The following ITFG1 variants were observed in gnomAD, a reference collection of about 807,000 sequenced individuals.
ITFG1 encodes the protein T-cell immunomodulatory protein.
ITFG1 carries 34 observed loss-of-function variants against 81.8 expected under a neutral mutation model. The observed-to-expected ratio is 0.42, with a 90% confidence interval of 0.32 to 0.55. The LOEUF is 0.55. Ranked by LOEUF, ITFG1 falls within the 20% of genes least tolerant of loss-of-function variation. The pLI is 0.17. For missense variants in ITFG1, 672 were observed against 755.4 expected, an observed-to-expected ratio of 0.89 and a Z score of 1.29; for synonymous variants, 285 against 270.6, an observed-to-expected ratio of 1.05 and a Z score of -0.52.
At chr16:47,417,023 A>T (rs931312046) in intron 6 of ITFG1, among the ~76,000 whole-genome samples, 4 of 152,210 alleles carry the variant, frequency 2.6e-5, no homozygotes, top group Non-Finnish European at 4.4e-5. Context: ...CACTTATTTC[A>T]TTCTGCCACA....
intron 10 of ITFG1, among the ~76,000 whole-genome samples, chr16:47,280,981 C>T (rs894906388): frequency 6.6e-6 from 1 of 152,112 alleles, no homozygotes; most frequent in Non-Finnish European, 1.5e-5. Flanking sequence ...TTTTGCTGTT[C>T]ACTTGCTTCT....
At chr16:47,271,961 A>G (rs564949316) in intron 10 of ITFG1, among the ~76,000 whole-genome samples, 2 of 152,358 alleles carry the variant, frequency 1.3e-5, no homozygotes, top group African/African-American at 4.8e-5. Context: ...AAAAACTTGC[A>G]TATGAATGTT....
chr16:47,252,001 G>A (rs1351905161), intron 12 of ITFG1, among the ~76,000 whole-genome samples: 1 of 152,152 alleles, frequency 6.6e-6, no homozygotes. Flanking sequence ...ATAAAATTCT[G>A]TAATAGCGAA....
At chr16:47,237,216 A>C (rs1965886973) in intron 13 of ITFG1, among the ~76,000 whole-genome samples, 1 of 152,178 alleles carries the variant, frequency 6.6e-6, no homozygotes, top group Non-Finnish European at 1.5e-5. Context: ...AAATATTGTC[A>C]ATGTAATGTT....
At chr16:47,420,200 G>A (rs1411956465) in intron 6 of ITFG1, among the ~76,000 whole-genome samples, 2 of 152,192 alleles carry the variant, frequency 1.3e-5, no homozygotes, top group African/African-American at 2.4e-5. Flanking sequence ...GGCATGAGAA[G>A]ATGCTTGATA....
intron 10 of ITFG1, among the ~76,000 whole-genome samples, chr16:47,290,134 T>C (rs1966889634): frequency 6.6e-6 from 1 of 152,150 alleles, no homozygotes; most frequent in Admixed American, 6.5e-5. Flanking sequence ...ATTTCAAAAG[T>C]TTCTTTGGTT....
chr16:47,267,828 C>A (rs764803919), intron 10 of ITFG1, among the ~76,000 whole-genome samples: 2 of 151,812 alleles, frequency 1.3e-5, no homozygotes, highest in Non-Finnish European at 2.9e-5. Context: ...AAGAAAAATT[C>A]GAAAGTACTT....
intron 6 of ITFG1, among the ~76,000 whole-genome samples, chr16:47,417,400 G>C (rs1275097372): frequency 6.6e-6 from 1 of 152,052 alleles, no homozygotes; most frequent in African/African-American, 2.4e-5. Flanking sequence ...TGTGTGTCAG[G>C]AACACTTCAA....
At chr16:47,357,992 T>C (rs1968062995) in intron 8 of ITFG1, among the ~76,000 whole-genome samples, 2 of 152,124 alleles carry the variant, frequency 1.3e-5, no homozygotes, top group South Asian at 4.1e-4. Context: ...TGCTACAAGG[T>C]AGAAACTCAG....
chr16:47,444,888 T>G (rs901821456), intron 5 of ITFG1, among the ~76,000 whole-genome samples: 1 of 152,108 alleles, frequency 6.6e-6, no homozygotes, highest in South Asian at 2.1e-4. Flanking sequence ...TTTTGGAAAT[T>G]GGTTTTTCTT....
intron 11 of ITFG1, among the ~76,000 whole-genome samples, chr16:47,259,074 T>C (rs1297831408): frequency 2.0e-5 from 3 of 152,184 alleles, no homozygotes; most frequent in African/African-American, 7.2e-5. Context: ...GGGGAGTACC[T>C]TTTCATCTGC....
chr16:47,357,569 C>T (rs1185515006), intron 8 of ITFG1, among the ~76,000 whole-genome samples: 1 of 140,242 alleles, frequency 7.1e-6, no homozygotes, highest in East Asian at 2.1e-4. Context: ...GAGCTGAGAT[C>T]ATGCCACCGC....
intron 12 of ITFG1, among the ~76,000 whole-genome samples, chr16:47,253,461 T>C (rs1051684522): frequency 8.5e-5 from 13 of 152,204 alleles, no homozygotes; most frequent in African/African-American, 3.1e-4. Flanking sequence ...ATGTAAAGGC[T>C]ACATTTTCCT....
At chr16:47,206,761 A>C (rs1364179658) in intron 14 of ITFG1, among the ~76,000 whole-genome samples, 3 of 152,150 alleles carry the variant, frequency 2.0e-5, no homozygotes, top group Non-Finnish European at 4.4e-5. Flanking sequence ...CATCTCCTTA[A>C]CACATCCCTA....
At chr16:47,267,795 C>A (rs1966294196) in intron 10 of ITFG1, among the ~76,000 whole-genome samples, 1 of 151,974 alleles carries the variant, frequency 6.6e-6, no homozygotes. Context: ...AAATAAAACA[C>A]TACTAAATAA....
At chr16:47,264,112 CA>C in intron 10 of ITFG1, among the ~76,000 whole-genome samples, 1 of 152,088 alleles carries the variant, frequency 6.6e-6, no homozygotes, top group East Asian at 1.9e-4. Context: ...CAAAAGCAAT[CA>C]TAACATTCAA....
intron 5 of ITFG1, among the ~76,000 whole-genome samples, chr16:47,444,842 T>A (rs1438539542): frequency 6.6e-6 from 1 of 152,194 alleles, no homozygotes; most frequent in African/African-American, 2.4e-5. Flanking sequence ...TGATCTGTCC[T>A]GGGATACAGT....
intron 10 of ITFG1, among the ~76,000 whole-genome samples, chr16:47,290,764 G>T (rs1376022556): frequency 6.6e-6 from 1 of 152,116 alleles, no homozygotes; most frequent in Admixed American, 6.6e-5. Flanking sequence ...CATTCAGTCA[G>T]TCTGTATCTT....
chr16:47,411,863 T>C (rs1353463094), intron 6 of ITFG1, among the ~76,000 whole-genome samples: 1 of 152,198 alleles, frequency 6.6e-6, no homozygotes, highest in Non-Finnish European at 1.5e-5. Context: ...AGAGGCGCAC[T>C]GCTGAGTAAG....
Sources: gnomAD v4.1 joint callset for allele counts (sites outside exome capture counted in the v4.1 genomes callset) on GRCh38, gnomAD v4.1.1 for gene constraint, MANE v1.5 for transcripts, NCBI Gene and HGNC (gene_info 2026-07-23, HGNC 2026-07-21) for gene names.